The following SHB variants were observed in gnomAD, a reference collection of about 807,000 sequenced individuals.
SHB encodes SH2 domain containing adaptor protein B, also known as SH2 domain-containing adapter protein B.
A neutral mutation model predicts 52.3 loss-of-function variants in SHB; 20 were observed. That is an observed-to-expected ratio of 0.38 (90% confidence interval 0.27 to 0.56). The LOEUF (loss-of-function observed/expected upper bound fraction) is 0.56, where lower values mean the gene tolerates loss of function less well. SHB is among the 20% of genes least tolerant of loss of function. The probability of loss-of-function intolerance (pLI) is 0.71; values close to 1 mark genes in which losing one functional copy is unlikely to be tolerated. For synonymous variants in SHB, 397 were observed against 316.5 expected, an observed-to-expected ratio of 1.25 and a Z score of -2.70; for missense variants, 825 against 723.3, an observed-to-expected ratio of 1.14 and a Z score of -1.61.
chr9:37,987,462 T>A (rs1587230819), intron 2 of SHB, among the ~76,000 whole-genome samples: 1 of 151,892 alleles, frequency 6.6e-6, no homozygotes, highest in African/African-American at 2.4e-5. Flanking sequence ...AAGTCAGTGT[T>A]CCCTCCACTC....
intron 2 of SHB, among the ~76,000 whole-genome samples, chr9:37,999,686 G>A (rs1299642611): frequency 6.6e-6 from 1 of 152,172 alleles, no homozygotes; most frequent in Non-Finnish European, 1.5e-5. Context: ...GCACGTGGGA[G>A]GCTTCTGTGT....
intron 1 of SHB, among the ~76,000 whole-genome samples, chr9:38,043,364 G>A (rs989683980): frequency 3.9e-5 from 6 of 152,184 alleles, no homozygotes; most frequent in African/African-American, 1.4e-4. Context: ...CCTTTGAACA[G>A]GATAACTGCT....
At chr9:38,024,827 G>A (rs1587250183) in intron 1 of SHB, among the ~76,000 whole-genome samples, 1 of 152,190 alleles carries the variant, frequency 6.6e-6, no homozygotes, top group South Asian at 2.1e-4. Flanking sequence ...GGAGGGGTCT[G>A]CAGCCACTAC....
chr9:37,941,951 C>A (rs1210305305), intron 5 of SHB, among the ~76,000 whole-genome samples: 2 of 152,204 alleles, frequency 1.3e-5, no homozygotes, highest in African/African-American at 2.4e-5. Context: ...CTCCCACTGG[C>A]CCCTAAACCT....
chr9:37,925,673 T>C (rs756487432), intron 5 of SHB, among the ~76,000 whole-genome samples: 11 of 152,226 alleles, frequency 7.2e-5, no homozygotes, highest in South Asian at 2.1e-4. Context: ...TCTTTTCTTC[T>C]TGTTGGGCTA....
chr9:38,042,196 C>T lies in SHB; in HGVS notation c.717+25733G>A, dbSNP rs374658850. Among the ~76,000 whole-genome samples the T allele has an allele frequency of 2.2e-4, 34 of 152,262 alleles. No individual in the cohort carries two copies. In the South Asian group the frequency reaches 5.8e-3, roughly 26 times the overall value. Reference sequence around the variant, plus strand: ...TGCCCCTGTCTCCTCATCAGGGTAACGAAAATACCTACCCACGAGTGTTGC... The same window carrying T: ...TGCCCCTGTCTCCTCATCAGGGTAATGAAAATACCTACCCACGAGTGTTGC... On this transcript the variant is annotated intron_variant, in intron 1 of 5. Coordinates refer to ENST00000377707, the MANE Select transcript of SHB (RefSeq NM_003028.3).
intron 1 of SHB, among the ~76,000 whole-genome samples, chr9:38,055,756 T>TGAACGCTAC (rs1298839555): frequency 2.0e-5 from 3 of 152,138 alleles, no homozygotes; most frequent in Non-Finnish European, 2.9e-5. Context: ...GTTGGATGAC[T>TGAACGCTAC]GAACGCTACA....
In SHB at chr9:38,067,934, C is replaced by T. The variant is rs566419808; in HGVS notation, c.712G>A (p.Asp238Asn). The T allele has an allele frequency of 5.2e-6, 8 of 1,531,682 alleles. No homozygotes were observed. The highest frequency in any genetic ancestry group is 2.0e-5 in the Admixed American group (1 of 51,074). 94.9% of individuals were successfully genotyped at this position (1,531,682 alleles called of 1,614,324 possible). ...GAGGCCAAGGGGCACCTTACCTTGT[C>T]CTTCTTGCCGGCCCCGCTCTCCTCC... ...AAEESGAGKK[D>N]KVTIADDYSD... The change falls in exon 1 of 6, where the codon GAC becomes AAC. Residue 238 changes from aspartate (D) to asparagine (N), a missense_variant. Physicochemically the swap from Asp to Asn is conservative, Grantham distance 23 (BLOSUM62 1). Coordinates refer to ENST00000377707, the MANE Select transcript of SHB (RefSeq NM_003028.3).
chr9:38,060,225 A>T (rs1286646513), intron 1 of SHB, among the ~76,000 whole-genome samples: 1 of 152,116 alleles, frequency 6.6e-6, no homozygotes, highest in African/African-American at 2.4e-5. Context: ...CCCAGGCTGG[A>T]GTGCAGTGGC....
chr9:38,012,213 C>T (rs375739226), intron 2 of SHB, among the ~76,000 whole-genome samples: 4 of 152,166 alleles, frequency 2.6e-5, no homozygotes, highest in Non-Finnish European at 2.9e-5. Flanking sequence ...CTGCCCAAGA[C>T]GGCTATGCTG....
At chr9:38,002,795 T>G (rs150633495) in intron 2 of SHB, among the ~76,000 whole-genome samples, 339 of 152,302 alleles carry the variant, frequency 2.2e-3, no homozygotes, top group African/African-American at 7.6e-3. Context: ...TTAACTGCAG[T>G]ACTAGATCCT....
At chr9:37,949,943 T>C (rs1832545302) in intron 4 of SHB, among the ~76,000 whole-genome samples, 1 of 152,152 alleles carries the variant, frequency 6.6e-6, no homozygotes, top group African/African-American at 2.4e-5. Flanking sequence ...AATGCTTTTC[T>C]TTCTTTTTTT....
At chr9:37,989,915 C>G (rs1041796715) in intron 2 of SHB, among the ~76,000 whole-genome samples, 3 of 152,152 alleles carry the variant, frequency 2.0e-5, no homozygotes, top group African/African-American at 7.2e-5. Context: ...CTGTCAATAG[C>G]TATTATAGAT....
At chr9:38,046,588 C>A (rs545803098) in intron 1 of SHB, among the ~76,000 whole-genome samples, 30 of 152,212 alleles carry the variant, frequency 2.0e-4, no homozygotes, top group African/African-American at 6.8e-4. Flanking sequence ...AAACTGCCCA[C>A]GGCTTTTCCA....
At chr9:37,937,466 G>GAA (rs111668966) in intron 5 of SHB, among the ~76,000 whole-genome samples, 64 of 137,376 alleles carry the variant, frequency 4.7e-4, no homozygotes, top group African/African-American at 1.6e-3. Flanking sequence ...AAAAAGATAA[G>GAA]AAAAAAAAAA....
At position 38,015,801 on chromosome 9, in the gene SHB, T is replaced by C. The variant is rs888881829; in HGVS notation, c.838+210A>G. On this transcript the variant is annotated intron_variant, in intron 2 of 5. Coordinates refer to ENST00000377707, the MANE Select transcript of SHB (RefSeq NM_003028.3). ...TGATATCCTTGTATTTGGACTCTCA[T>C]GGTGCCCGGCCAGTTTTTTTCCTAA... Among the ~76,000 whole-genome samples the C allele has an allele frequency of 2.4e-4, 36 of 152,256 alleles. No homozygotes were observed. The highest frequency in any genetic ancestry group is 8.2e-4 in the African/African-American group (34 of 41,460).
intron 3 of SHB, among the ~76,000 whole-genome samples, chr9:37,961,974 G>A (rs968053378): frequency 6.6e-6 from 1 of 152,216 alleles, no homozygotes; most frequent in African/African-American, 2.4e-5. Flanking sequence ...ACCCACCCAG[G>A]GAATGGAGGA....
At chr9:37,950,401 C>T (rs1832551833) in intron 4 of SHB, among the ~76,000 whole-genome samples, 1 of 152,066 alleles carries the variant, frequency 6.6e-6, no homozygotes, top group Non-Finnish European at 1.5e-5. Context: ...AAGTAGTGGG[C>T]CTATAGGCAC....
At chr9:37,941,533 C>G (rs773217718) in intron 5 of SHB, among the ~76,000 whole-genome samples, 6 of 152,272 alleles carry the variant, frequency 3.9e-5, no homozygotes, top group African/African-American at 1.4e-4. Flanking sequence ...GGCACATGGC[C>G]AGGAGCTCAG....
Sources: gnomAD v4.1 joint callset for allele counts (sites outside exome capture counted in the v4.1 genomes callset) on GRCh38, gnomAD v4.1.1 for gene constraint, MANE v1.5 for transcripts, NCBI Gene and HGNC (gene_info 2026-07-23, HGNC 2026-07-21) for gene names.